Variants in MSRA observed in about 807,000 individuals in gnomAD.
MSRA encodes methionine sulfoxide reductase A.
In MSRA, 54 loss-of-function variants were observed where a neutral mutation model predicts 31.3. That is an observed-to-expected ratio of 1.73 (90% CI 1.39 to 2.17). The LOEUF (loss-of-function observed/expected upper bound fraction) is 2.17. MSRA is among the 30% of genes most tolerant of loss of function. MSRA has a pLI of 0.00. For synonymous variants in MSRA, 169 were observed against 116.5 expected (o/e 1.45, Z -2.90); for missense variants, 507 against 300.9 (o/e 1.69, Z -5.07).
At chr8:10,069,182 C>T (rs1797608197) in intron 1 of MSRA, among the ~76,000 whole-genome samples, 1 of 152,214 alleles carries the variant, frequency 6.6e-6, no homozygotes, top group Non-Finnish European at 1.5e-5. Context: ...GGATTTTCTA[C>T]ATAGACAGTC....
chr8:10,054,767 C>A (rs934935462), intron 1 of MSRA, 109 bp downstream of exon 1: 66 of 1,244,250 alleles, frequency 5.3e-5, no homozygotes, highest in Non-Finnish European at 6.7e-5. Flanking sequence ...TGGCCTCGGG[C>A]GGGTCGCGGG....
At chr8:10,415,823 C>T (rs1461675551) in intron 5 of MSRA, among the ~76,000 whole-genome samples, 6 of 151,934 alleles carry the variant, frequency 3.9e-5, no homozygotes, top group Non-Finnish European at 8.8e-5. Context: ...TCACACCCTA[C>T]TCCTGCCTAC....
intron 5 of MSRA, among the ~76,000 whole-genome samples, chr8:10,420,822 C>G (rs1169563256): frequency 6.6e-6 from 1 of 151,762 alleles, no homozygotes; most frequent in Non-Finnish European, 1.5e-5. Flanking sequence ...TGTGAATGTA[C>G]TTAACACAAC....
At chr8:10,081,821 C>T (rs544132419) in intron 1 of MSRA, among the ~76,000 whole-genome samples, 1 of 152,232 alleles carries the variant, frequency 6.6e-6, no homozygotes, top group Admixed American at 6.5e-5. Context: ...TGAGGGGGTA[C>T]CCAGATTCGA....
At chr8:10,284,910 A>G (rs1360344585) in intron 3 of MSRA, among the ~76,000 whole-genome samples, 4 of 152,162 alleles carry the variant, frequency 2.6e-5, no homozygotes, top group African/African-American at 9.7e-5. Context: ...TTATTATCAA[A>G]TGATCTCTAG....
intron 2 of MSRA, among the ~76,000 whole-genome samples, chr8:10,232,559 A>G (rs1270625690): frequency 6.6e-6 from 1 of 152,232 alleles, no homozygotes; most frequent in Non-Finnish European, 1.5e-5. Flanking sequence ...TCACAATCAC[A>G]GATCTTTACC....
intron 1 of MSRA, among the ~76,000 whole-genome samples, chr8:10,137,385 AGTT>A (rs1478461083): frequency 1.3e-5 from 2 of 152,116 alleles, no homozygotes; most frequent in African/African-American, 2.4e-5. Flanking sequence ...CACTTTCACA[AGTT>A]GTTAACTGCT....
At chr8:10,406,850 C>T (rs1335426504) in intron 5 of MSRA, among the ~76,000 whole-genome samples, 1 of 152,228 alleles carries the variant, frequency 6.6e-6, no homozygotes, top group African/African-American at 2.4e-5. Flanking sequence ...CTTGCCTTGT[C>T]AGACGTGATC....
At chr8:10,220,507 A>G (rs922971802) in intron 2 of MSRA, among the ~76,000 whole-genome samples, 6 of 152,242 alleles carry the variant, frequency 3.9e-5, no homozygotes, top group Non-Finnish European at 8.8e-5. Flanking sequence ...CTCAGGGTGA[A>G]TCAGCACTGT....
At chr8:10,246,456 G>A (rs148637998) in intron 3 of MSRA, among the ~76,000 whole-genome samples, 59 of 152,330 alleles carry the variant, frequency 3.9e-4, no homozygotes, top group African/African-American at 1.4e-3. Context: ...TCTTAATAGG[G>A]AGGGAGTATC....
intron 1 of MSRA, among the ~76,000 whole-genome samples, chr8:10,144,269 A>G (rs1394400520): frequency 6.6e-6 from 1 of 152,148 alleles, no homozygotes; most frequent in African/African-American, 2.4e-5. Flanking sequence ...CTGTTAAGCC[A>G]TGCTTGTTAA....
At chr8:10,161,066 G>C (rs1804597197) in intron 1 of MSRA, among the ~76,000 whole-genome samples, 1 of 152,172 alleles carries the variant, frequency 6.6e-6, no homozygotes, top group Non-Finnish European at 1.5e-5. Context: ...ATATTACAGT[G>C]TCAGATTATG....
chr8:10,369,050 G>C (rs1133184), intron 5 of MSRA, among the ~76,000 whole-genome samples: 50,173 of 152,038 alleles, frequency 0.33, 8,415 homozygotes, highest in Admixed American at 0.36. Flanking sequence ...ATAAGTGTTA[G>C]AATCCAAGCT....
chr8:10,393,564 C>A (rs546472594), intron 5 of MSRA, among the ~76,000 whole-genome samples: 2 of 152,158 alleles, frequency 1.3e-5, no homozygotes, highest in African/African-American at 4.8e-5. Context: ...TGCAGCTGGA[C>A]GGCTGCCTGG....
intron 5 of MSRA, among the ~76,000 whole-genome samples, chr8:10,370,496 A>C (rs1805414529): frequency 6.6e-6 from 1 of 152,242 alleles, no homozygotes; most frequent in Non-Finnish European, 1.5e-5. Context: ...CTTGTCCTTT[A>C]ATGTAATGTT....
At chr8:10,265,206 G>A (rs950759110) in intron 3 of MSRA, among the ~76,000 whole-genome samples, 6 of 152,158 alleles carry the variant, frequency 3.9e-5, no homozygotes, top group East Asian at 1.9e-4. Flanking sequence ...GCAGCTGGCT[G>A]GAGGAGGGCT....
intron 5 of MSRA, among the ~76,000 whole-genome samples, chr8:10,332,781 A>G (rs1303928166): frequency 1.3e-5 from 2 of 152,132 alleles, no homozygotes; most frequent in Non-Finnish European, 1.5e-5. Context: ...ACCCTTGGGC[A>G]TTTGTTCATT....
chr8:10,093,670 A>G (rs1380158058), intron 1 of MSRA, among the ~76,000 whole-genome samples: 1 of 152,228 alleles, frequency 6.6e-6, no homozygotes, highest in Non-Finnish European at 1.5e-5. Context: ...ATACATTTAT[A>G]CTATTTGTAA....
At chr8:10,123,857 CT>C (rs536403206) in intron 1 of MSRA, among the ~76,000 whole-genome samples, 7 of 148,846 alleles carry the variant, frequency 4.7e-5, no homozygotes, top group African/African-American at 9.9e-5. Flanking sequence ...TTGGTCTATG[CT>C]TTTTTTTTTC....
Sources: allele counts gnomAD v4.1 joint callset (sites outside exome capture counted in the v4.1 genomes callset), GRCh38; gene constraint gnomAD v4.1.1; transcripts MANE v1.5; gene names NCBI Gene and HGNC (gene_info 2026-07-23, HGNC 2026-07-21).